The following POU2F1 variants were observed in gnomAD, a reference collection of about 807,000 sequenced individuals.
The protein encoded by POU2F1 is POU domain, class 2, transcription factor 1.
POU2F1 carries 16 observed loss-of-function variants against 84.9 expected under a neutral mutation model. The ratio of observed to expected loss-of-function variants is 0.19; its 90% CI spans 0.13 to 0.29. POU2F1 has a LOEUF of 0.29. Among genes scored for constraint, POU2F1 ranks in the 10% least tolerant of loss-of-function variants. The probability of loss-of-function intolerance (pLI) is 1.00; values close to 1 mark genes in which losing one functional copy is unlikely to be tolerated. For synonymous variants in POU2F1, 368 were observed against 368.3 expected (o/e 1.00, Z 0.01); for missense variants, 738 against 942.6 (o/e 0.78, Z 2.84).
intron 1 of POU2F1, among the ~76,000 whole-genome samples, chr1:167,295,071 G>A (rs1451646115): frequency 6.6e-6 from 1 of 151,534 alleles, no homozygotes; most frequent in Non-Finnish European, 1.5e-5. Flanking sequence ...GCAGTGAGCC[G>A]AGATCACGCC....
intron 15 of POU2F1, among the ~76,000 whole-genome samples, chr1:167,413,987 T>TA (rs372662250): frequency 0.058 from 7,346 of 126,382 alleles, 544 homozygotes; most frequent in African/African-American, 0.18. Flanking sequence ...ACCCTGTTTC[T>TA]AAAAAAAAAA....
Position 167,416,152 on chromosome 1 carries a change from T to C in POU2F1, c.*342T>C. On this transcript the variant is annotated 3_prime_UTR_variant, in exon 16 of 16. Transcript: ENST00000367866. ...AAACAAAAATAAGTGAAAGGACTAC[T>C]TATCATTTCCAGCAGTCATGATGAC... 2.4e-6 allele frequency: 1 copy of C among 414,262 alleles called. No homozygotes were observed. Among genetic ancestry groups the C allele is most frequent in the South Asian group, 2.1e-5 (1 of 48,656 alleles). 25.7% of individuals were successfully genotyped at this position (414,262 alleles called of 1,614,324 possible). A position where few individuals can be genotyped will look rare whatever the true frequency, so the allele number is the denominator to read the frequency against.
At chr1:167,358,131 T>C (rs1371574700) in intron 2 of POU2F1, among the ~76,000 whole-genome samples, 4 of 143,780 alleles carry the variant, frequency 2.8e-5, no homozygotes, top group Non-Finnish European at 4.6e-5. Context: ...TCTTTTTTTT[T>C]TTTTTTTTTT....
chr1:167,414,454 G>C, intron 15 of POU2F1: 5 of 985,390 alleles, frequency 5.1e-6, no homozygotes, highest in Non-Finnish European at 6.0e-6. Flanking sequence ...ATTCCCTTCA[G>C]CTATATTTTA....
At chr1:167,352,365 A>G (rs1182194194) in intron 2 of POU2F1, among the ~76,000 whole-genome samples, 1 of 152,214 alleles carries the variant, frequency 6.6e-6, no homozygotes, top group Non-Finnish European at 1.5e-5. Context: ...ATAGATAGCA[A>G]AGGCCAGAAT....
chr1:167,311,022 A>G (rs1655432047), intron 1 of POU2F1, among the ~76,000 whole-genome samples: 1 of 152,290 alleles, frequency 6.6e-6, no homozygotes, highest in South Asian at 2.1e-4. Flanking sequence ...ATTCATCTGA[A>G]TGCTGGGAAG....
intron 1 of POU2F1, among the ~76,000 whole-genome samples, chr1:167,249,380 T>A (rs1161260179): frequency 4.6e-5 from 7 of 152,180 alleles, no homozygotes; most frequent in Non-Finnish European, 1.0e-4. Flanking sequence ...AAAGAGAGAT[T>A]TATGAGGAAA....
At chr1:167,244,823 T>A (rs1247225861) in intron 1 of POU2F1, among the ~76,000 whole-genome samples, 19 of 152,178 alleles carry the variant, frequency 1.2e-4, no homozygotes. Context: ...ATATAATACC[T>A]TCCTTAAAAA....
At chr1:167,327,674 T>C (rs981751461) in intron 1 of POU2F1, among the ~76,000 whole-genome samples, 1 of 152,230 alleles carries the variant, frequency 6.6e-6, no homozygotes, top group Non-Finnish European at 1.5e-5. Flanking sequence ...TGCTGCCGTT[T>C]ACTGGTTTCT....
At chr1:167,354,862 A>G (rs373851930) in intron 2 of POU2F1, among the ~76,000 whole-genome samples, 1 of 151,032 alleles carries the variant, frequency 6.6e-6, no homozygotes, top group East Asian at 1.9e-4. Context: ...TATCTTGCCT[A>G]TTTTTTCTGT....
chr1:167,285,630 G>A (rs994229134), intron 1 of POU2F1, among the ~76,000 whole-genome samples: 12 of 151,926 alleles, frequency 7.9e-5, no homozygotes, highest in African/African-American at 2.7e-4. Context: ...AGGTTTTATA[G>A]AATCACAAAA....
chr1:167,373,339 G>A (rs1337684983), intron 5 of POU2F1, among the ~76,000 whole-genome samples: 2 of 152,278 alleles, frequency 1.3e-5, no homozygotes, highest in East Asian at 3.9e-4. Context: ...CTTTAAATAT[G>A]CTCTAAATAC....
intron 1 of POU2F1, among the ~76,000 whole-genome samples, chr1:167,262,376 G>A (rs1234729960): frequency 1.3e-5 from 2 of 152,094 alleles, no homozygotes; most frequent in Non-Finnish European, 2.9e-5. Flanking sequence ...CCAGAGATAA[G>A]GGCAAATTTT....
chr1:167,348,618 T>C (rs1658353993), intron 2 of POU2F1, among the ~76,000 whole-genome samples: 1 of 152,216 alleles, frequency 6.6e-6, no homozygotes, highest in Admixed American at 6.5e-5. Context: ...TCCTCCTTTT[T>C]TCCAATGTTT....
intron 2 of POU2F1, among the ~76,000 whole-genome samples, chr1:167,351,574 T>TGG (rs1481029467): frequency 6.7e-6 from 1 of 149,296 alleles, no homozygotes; most frequent in Non-Finnish European, 1.5e-5. Context: ...AAGAAACTAT[T>TGG]AATGTTATAT....
Position 167,374,136 on chromosome 1 carries a change from TAC to T in POU2F1, c.432_433del (p.Leu144PhefsTer154). 1 of 1,614,080 alleles carries T rather than the reference TAC, an allele frequency of 6.2e-7. No homozygotes were observed. Among genetic ancestry groups the T allele is most frequent in the Non-Finnish European group, 8.5e-7 (1 of 1,180,002 alleles). On this transcript the variant is annotated frameshift_variant, in exon 6 of 16. Coordinates refer to ENST00000367866, the MANE Select transcript of POU2F1 (RefSeq NM_002697.4). LOFTEE classifies it high-confidence loss of function. Reference sequence around the variant, plus strand: ...ACTTTGACGCCTGCCCAGCAACAGTTACTACTCCAGCAGGCACAGGCACAGGC... The same window carrying T: ...ACTTTGACGCCTGCCCAGCAACAGTTTACTCCAGCAGGCACAGGCACAGGC...
In POU2F1 at chr1:167,236,150, C is replaced by G. The variant is rs578028649; in HGVS notation, c.61+15192C>G. Among the ~76,000 whole-genome samples the G allele has an allele frequency of 2.0e-5, 3 of 152,054 alleles. No individual in the cohort carries two copies. In the South Asian group the frequency reaches 6.2e-4, roughly 32 times the overall value. On this transcript the variant is annotated intron_variant, in intron 1 of 15. Transcript: ENST00000367866. ...ACAGACGATTGCTCTGTCTCCCAGG[C>G]TGGAGTGCAGTGGTGTGATCTCGGC...
chr1:167,391,179 A>G (rs1208388341), intron 9 of POU2F1, among the ~76,000 whole-genome samples: 2 of 151,894 alleles, frequency 1.3e-5, no homozygotes, highest in East Asian at 1.9e-4. Context: ...GCCTCAATCA[A>G]CCCTCCCGCC....
At chr1:167,244,977 T>C (rs1420549499) in intron 1 of POU2F1, among the ~76,000 whole-genome samples, 1 of 152,096 alleles carries the variant, frequency 6.6e-6, no homozygotes, top group East Asian at 1.9e-4. Context: ...TAACATCTTT[T>C]AGGAAGTAAC....
Sources: gnomAD v4.1 joint callset for allele counts (sites outside exome capture counted in the v4.1 genomes callset) on GRCh38, gnomAD v4.1.1 for gene constraint, MANE v1.5 for transcripts, NCBI Gene and HGNC (gene_info 2026-07-23, HGNC 2026-07-21) for gene names.